The following SLC9B2 variants were observed in gnomAD, a reference collection of about 807,000 sequenced individuals.
SLC9B2 encodes solute carrier family 9 member B2.
A neutral mutation model predicts 52.2 loss-of-function variants in SLC9B2; 39 were observed. The ratio of observed to expected loss-of-function variants is 0.75; its 90% CI spans 0.58 to 0.98. SLC9B2 has a LOEUF of 0.98. SLC9B2 is among the 50% of genes least tolerant of loss of function. The pLI is 0.00. For missense variants in SLC9B2, 626 were observed against 637.5 expected (o/e 0.98, Z 0.19); for synonymous variants, 214 against 227.0 (o/e 0.94, Z 0.51).
chr4:103,053,325 AG>A (rs773052891), intron 4 of SLC9B2, among the ~76,000 whole-genome samples: 3 of 152,232 alleles, frequency 2.0e-5, no homozygotes, highest in Non-Finnish European at 2.9e-5. Flanking sequence ...ATAATGCTTC[AG>A]TTTTGGATAC....
At chr4:103,037,848 T>C (rs1241089549) in intron 9 of SLC9B2, among the ~76,000 whole-genome samples, 1 of 151,984 alleles carries the variant, frequency 6.6e-6, no homozygotes, top group Non-Finnish European at 1.5e-5. Context: ...GAGTATATTA[T>C]AGCTAAAGGT....
At chr4:103,021,649 TA>T (rs1215680683), downstream of SLC9B2, among the ~76,000 whole-genome samples, 7 of 152,184 alleles carry the variant, frequency 4.6e-5, no homozygotes, top group Non-Finnish European at 7.4e-5. Context: ...CATGACATGA[TA>T]AAAAAAGTTT....
chr4:103,052,241 T>C (rs933511024), intron 4 of SLC9B2, among the ~76,000 whole-genome samples: 4 of 152,176 alleles, frequency 2.6e-5, no homozygotes, highest in Non-Finnish European at 5.9e-5. Context: ...ACAACCTAGA[T>C]TCCTTGAATG....
rs1298916339 is a variant in SLC9B2, at chr4:103,022,485, CAT to C, written c.*3883_*3884del. Among the ~76,000 whole-genome samples the C allele has an allele frequency of 6.6e-6, 1 of 152,012 alleles. No homozygotes were observed. Among genetic ancestry groups the C allele is most frequent in the Non-Finnish European group, 1.5e-5 (1 of 68,016 alleles). The stretch of plus-strand genomic sequence containing the variant: ...TACAATTTTAAAGAAAAATAAAATA[CAT>C]GTTTATATTAGTTTCAGTTTTCTTG... On this transcript the variant is annotated 3_prime_UTR_variant, in exon 12 of 12. Transcript: ENST00000394785.
chr4:103,019,697 C>G, downstream of SLC9B2: 1 of 985,490 alleles, frequency 1.0e-6, no homozygotes, highest in Non-Finnish European at 1.2e-6. Context: ...AGGGTGGTGA[C>G]GCGAAAGCCC....
chr4:103,026,417 G>T lies in SLC9B2; in HGVS notation c.1567C>A (p.Gln523Lys). The change falls in exon 12 of 12, where the codon CAA (glutamine) becomes AAA (lysine). Residue 523 changes from glutamine to lysine, a missense_variant. Physicochemically the swap from Gln to Lys is moderately conservative, Grantham distance 53. Coordinates refer to ENST00000394785, the MANE Select transcript of SLC9B2 (RefSeq NM_178833.7). Reference protein sequence around the residue: ...GPRLLQKVEHQNKDEEVQGET... With the variant: ...GPRLLQKVEHKNKDEEVQGET... The stretch of plus-strand genomic sequence containing the variant: ...CCTTGAACTTCTTCATCTTTATTTT[G>T]ATGTTCAACTTTCTGCAGAAGCCTG... The T allele has an allele frequency of 6.2e-7, 1 of 1,613,576 alleles. No individual in the cohort carries two copies. Among genetic ancestry groups the T allele is most frequent in the Non-Finnish European group, 8.5e-7 (1 of 1,179,760 alleles).
chr4:103,037,462 G>A (rs369718235), intron 9 of SLC9B2, among the ~76,000 whole-genome samples: 9 of 152,156 alleles, frequency 5.9e-5, no homozygotes, highest in African/African-American at 2.2e-4. Context: ...GACAAAGAAG[G>A]ATTACAATGT....
intron 3 of SLC9B2, among the ~76,000 whole-genome samples, chr4:103,064,614 T>C (rs946113001): frequency 1.3e-5 from 2 of 152,160 alleles, no homozygotes; most frequent in African/African-American, 2.4e-5. Context: ...TAAGGTATTG[T>C]ATACCTCAAA....
At chr4:103,068,750 T>A (rs188414456) in intron 1 of SLC9B2, among the ~76,000 whole-genome samples, 1 of 152,222 alleles carries the variant, frequency 6.6e-6, no homozygotes, top group Non-Finnish European at 1.5e-5. Flanking sequence ...TACAAACTTG[T>A]GGTAGAATCA....
Position 103,050,220 on chromosome 4 carries a change from G to C in SLC9B2, c.585+20C>G. ...AGAAACAAGATTCCTATTTAATAAT[G>C]AGAAATTTACATTTCATACCTTTGA... is the stretch of plus-strand genomic sequence containing the variant. On this transcript the variant is annotated intron_variant, in intron 5 of 11. Coordinates refer to ENST00000394785, the MANE Select transcript of SLC9B2 (RefSeq NM_178833.7). 2 of 1,537,456 alleles carry C rather than the reference G, an allele frequency of 1.3e-6. No homozygotes were observed. Among genetic ancestry groups the C allele is most frequent in the Non-Finnish European group, 1.7e-6 (2 of 1,144,992 alleles).
chr4:103,045,018 C>A, intron 7 of SLC9B2, 22 bp from the exon 8 acceptor site: 1 of 1,522,086 alleles, frequency 6.6e-7, no homozygotes, highest in South Asian at 1.1e-5. Context: ...ATTAAAAAAA[C>A]TTAGAGCTCT....
intron 5 of SLC9B2, among the ~76,000 whole-genome samples, 155 bp from the exon 6 acceptor site, chr4:103,049,175 GTGTTT>G (rs779316718): frequency 1.3e-5 from 2 of 152,118 alleles, no homozygotes; most frequent in African/African-American, 2.4e-5. Flanking sequence ...AGCACTCCAA[GTGTTT>G]TCAGACAGCT....
downstream of SLC9B2, among the ~76,000 whole-genome samples, chr4:103,020,905 A>G (rs1159980476): frequency 1.3e-5 from 2 of 152,128 alleles, no homozygotes; most frequent in Non-Finnish European, 2.9e-5. Flanking sequence ...TGGGATTACA[A>G]GCGTGAGCCA....
intron 11 of SLC9B2, among the ~76,000 whole-genome samples, chr4:103,027,424 C>G (rs1357969485): frequency 2.0e-5 from 3 of 152,060 alleles, no homozygotes; most frequent in South Asian, 4.1e-4. Flanking sequence ...TGAAGTTGAT[C>G]TTATTAGGTA....
chr4:103,061,751 G>A (rs571544661), intron 3 of SLC9B2, among the ~76,000 whole-genome samples: 1 of 152,200 alleles, frequency 6.6e-6, no homozygotes, highest in Non-Finnish European at 1.5e-5. Context: ...CTTACACTTT[G>A]GTTTTGGTGT....
rs534770406 is a variant in SLC9B2 at position 103,024,063 on chromosome 4, T to C, written c.*2307A>G. ...CTAAACTCCACCACCCTTGGATTGA[T>C]TGAGTGCTCCTGCCATGAGCTCCCT... On this transcript the variant is annotated 3_prime_UTR_variant, in exon 12 of 12. Transcript: ENST00000394785. Among the ~76,000 whole-genome samples the C allele has an allele frequency of 1.3e-5, 2 of 152,288 alleles. No homozygotes were observed. Among genetic ancestry groups the C allele is most frequent in the African/African-American group, 4.8e-5 (2 of 41,550 alleles).
intron 5 of SLC9B2, 24 bp downstream of exon 5, chr4:103,050,216 T>C (rs765043657): frequency 4.2e-5 from 65 of 1,537,288 alleles, no homozygotes; most frequent in Non-Finnish European, 5.4e-5. Context: ...TCCTATTTAA[T>C]AATGAGAAAT....
rs754259679 is a variant in SLC9B2 at position 103,026,413 on chromosome 4, T to C, written c.1571A>G (p.Asn524Ser). ...CTCTCCTTGAACTTCTTCATCTTTA[T>C]TTTGATGTTCAACTTTCTGCAGAAG... is the stretch of plus-strand genomic sequence containing the variant. ...PRLLQKVEHQ[N>S]KDEEVQGETS... The change falls in exon 12 of 12, where the codon AAT becomes AGT. Residue 524 changes from asparagine (N) to serine (S), a missense_variant. Coordinates refer to ENST00000394785, the MANE Select transcript of SLC9B2 (RefSeq NM_178833.7). 1.2e-6 allele frequency: 2 copies of C among 1,613,792 alleles called. No individual in the cohort carries two copies. The highest frequency in any genetic ancestry group is 1.7e-4 in the Middle Eastern group (1 of 6,050).
At chr4:103,075,505 T>A (rs757566095) in intron 1 of SLC9B2, among the ~76,000 whole-genome samples, 2 of 152,176 alleles carry the variant, frequency 1.3e-5, no homozygotes, top group Non-Finnish European at 2.9e-5. Flanking sequence ...GAGACTGATA[T>A]GTGTTTACCA....
Sources: allele counts gnomAD v4.1 joint callset (sites outside exome capture counted in the v4.1 genomes callset), GRCh38; gene constraint gnomAD v4.1.1; transcripts MANE v1.5; gene names NCBI Gene and HGNC (gene_info 2026-07-23, HGNC 2026-07-21).